TMEM233: variants seen among roughly 807,000 people sequenced by gnomAD.
TMEM233 encodes the protein transmembrane protein 233.
A neutral mutation model predicts 11.2 loss-of-function variants in TMEM233; 6 were observed. The ratio of observed to expected loss-of-function variants is 0.54; its 90% confidence interval spans 0.29 to 1.06. The LOEUF is 1.06. Ranked by LOEUF, TMEM233 falls within the 50% of genes least tolerant of loss-of-function variation. The pLI is 0.08. For synonymous variants in TMEM233, 59 were observed against 55.8 expected (o/e 1.06, Z -0.26); for missense variants, 127 against 144.7 (o/e 0.88, Z 0.63).
At chr12:119,651,702 C>T in the TMEM233 span, among the ~76,000 whole-genome samples, 1 of 151,578 alleles carries the variant, frequency 6.6e-6, no homozygotes, top group East Asian at 1.9e-4. Flanking sequence ...TGGCACATGC[C>T]TGTAATCCCA....
chr12:119,627,260 G>A (rs1389574332), intron 1 of TMEM233, among the ~76,000 whole-genome samples: 1 of 152,158 alleles, frequency 6.6e-6, no homozygotes, highest in Non-Finnish European at 1.5e-5. Flanking sequence ...AAATATTTTT[G>A]GCCTTGCAGG....
At chr12:119,644,012 G>C (rs1486923492), downstream of TMEM233, among the ~76,000 whole-genome samples, 1 of 152,044 alleles carries the variant, frequency 6.6e-6, no homozygotes, top group East Asian at 1.9e-4. Flanking sequence ...CAACAGCTTT[G>C]GACTTTTTCC....
intron 2 of TMEM233, among the ~76,000 whole-genome samples, chr12:119,636,886 C>A (rs1393276919): frequency 2.0e-5 from 3 of 152,146 alleles, no homozygotes; most frequent in Admixed American, 2.0e-4. Flanking sequence ...AGGAGGGCGC[C>A]CTACTGGAGA....
At position 119,642,045 on chromosome 12, in the gene TMEM233, A is replaced by G. The variant is rs1176524728; in HGVS notation, c.*1340A>G. On this transcript the variant is annotated 3_prime_UTR_variant, in exon 3 of 3. Transcript: ENST00000426426. The stretch of plus-strand genomic sequence containing the variant: ...TTGTTTCTGTTCAAATAAATTAAGA[A>G]AAACAAGAGAACTCAAGAAAATATC... 1 of 152,256 alleles carries G rather than the reference A, an allele frequency of 6.6e-6. No individual in the cohort carries two copies. Among genetic ancestry groups the G allele is most frequent in the African/African-American group, 2.4e-5 (1 of 41,462 alleles). 9.4% of individuals were successfully genotyped at this position (152,256 alleles called of 1,614,324 possible).
intron 1 of TMEM233, among the ~76,000 whole-genome samples, chr12:119,614,814 A>G (rs1954487908): frequency 6.6e-6 from 1 of 152,202 alleles, no homozygotes; most frequent in Non-Finnish European, 1.5e-5. Context: ...AATCAATTAT[A>G]TGATGTACAT....
intron 1 of TMEM233, among the ~76,000 whole-genome samples, chr12:119,626,532 GA>G: frequency 2.6e-5 from 1 of 38,986 alleles, no homozygotes; most frequent in Admixed American, 3.6e-4. Context: ...AGGGAGAAGG[GA>G]GAAGGGAGAA....
chr12:119,646,791 T>A (rs1293349529), downstream of TMEM233, among the ~76,000 whole-genome samples: 1 of 152,248 alleles, frequency 6.6e-6, no homozygotes, highest in Non-Finnish European at 1.5e-5. Context: ...CTCCTTATTT[T>A]AAGGTCAGCT....
chr12:119,604,048 G>T (rs895013935), intron 1 of TMEM233, among the ~76,000 whole-genome samples: 1 of 152,184 alleles, frequency 6.6e-6, no homozygotes, highest in Non-Finnish European at 1.5e-5. Context: ...CAGACCAGTT[G>T]GTCCACGTTT....
At chr12:119,627,752 C>T (rs762451435) in intron 1 of TMEM233, among the ~76,000 whole-genome samples, 6 of 152,084 alleles carry the variant, frequency 3.9e-5, no homozygotes, top group Non-Finnish European at 7.4e-5. Flanking sequence ...AGGTAGGAGG[C>T]GGGACTTGAC....
At chr12:119,645,099 T>C (rs1047447605), downstream of TMEM233, among the ~76,000 whole-genome samples, 3 of 152,140 alleles carry the variant, frequency 2.0e-5, no homozygotes, top group African/African-American at 2.4e-5. Flanking sequence ...CTGAGGCCAA[T>C]AGGGCTACAG....
In TMEM233 at chr12:119,594,110, C is replaced by T; in HGVS notation, c.186+76C>T. On this transcript the variant is annotated intron_variant, in intron 1 of 2. Coordinates refer to ENST00000426426, the MANE Select transcript of TMEM233 (RefSeq NM_001136534.3). This position sits in a 1 kb window ranked among gnomAD's most constrained non-coding sequence, Gnocchi z 5.6. Reference sequence around the variant, plus strand: ...TTGAGCCCCTGCAGGGGAGTCCGCGCGCTCTCTGCGGCTCCCTTCCTCACG... The same window carrying T: ...TTGAGCCCCTGCAGGGGAGTCCGCGTGCTCTCTGCGGCTCCCTTCCTCACG... 2 of 1,426,872 alleles carry T rather than the reference C, an allele frequency of 1.4e-6. No homozygotes were observed. The highest frequency in any genetic ancestry group is 2.5e-5 in the East Asian group (1 of 40,220). The allele number at this position is 1,426,872 out of a possible 1,614,324, so 88.4% of individuals were successfully genotyped here.
chr12:119,605,597 CT>C (rs1954264205), intron 1 of TMEM233, among the ~76,000 whole-genome samples: 1 of 151,622 alleles, frequency 6.6e-6, no homozygotes, highest in Non-Finnish European at 1.5e-5. Flanking sequence ...CCCAGCTAAA[CT>C]TTTTTGTATT....
At chr12:119,614,262 C>T (rs1282322594) in intron 1 of TMEM233, among the ~76,000 whole-genome samples, 2 of 151,966 alleles carry the variant, frequency 1.3e-5, no homozygotes, top group African/African-American at 4.8e-5. Context: ...CAAAAATTTG[C>T]TGGGTATGGT....
chr12:119,605,941 CAAG>C (rs1954271226), intron 1 of TMEM233, among the ~76,000 whole-genome samples: 1 of 151,922 alleles, frequency 6.6e-6, no homozygotes, highest in Non-Finnish European at 1.5e-5. Flanking sequence ...CCCAAAAGCC[CAAG>C]AAGAAGAGAG....
At chr12:119,609,459 G>C (rs1954350917) in intron 1 of TMEM233, among the ~76,000 whole-genome samples, 1 of 152,208 alleles carries the variant, frequency 6.6e-6, no homozygotes, top group South Asian at 2.1e-4. Flanking sequence ...TAATCACCAA[G>C]ACAATGGGCA....
chr12:119,629,919 G>C, intron 2 of TMEM233, 47 bp downstream of exon 2: 2 of 1,531,604 alleles, frequency 1.3e-6, no homozygotes, highest in Non-Finnish European at 1.8e-6. Flanking sequence ...GCCCTTTCTC[G>C]AACGCCCGTT....
intron 1 of TMEM233, among the ~76,000 whole-genome samples, chr12:119,625,105 T>C (rs1258649025): frequency 6.6e-6 from 1 of 152,208 alleles, no homozygotes; most frequent in Non-Finnish European, 1.5e-5. Flanking sequence ...CAATTCCTCT[T>C]CATTGTTGAG....
In TMEM233 at chr12:119,594,010, C is replaced by T. The variant is rs1264297946; in HGVS notation, c.162C>T (p.Ile54=). ...TTTGCCCTGCGTACCCCATCAACATCGTGGCTTTGGTCTTTTCCATCATGG... is the reference window on the plus strand; with the variant it reads ...TTTGCCCTGCGTACCCCATCAACATTGTGGCTTTGGTCTTTTCCATCATGG... ...SCFCPAYPIN[I]VALVFSIMSL... is the part of the protein sequence containing the mutation. The change falls in exon 1 of 3, where the codon ATC becomes ATT. Residue 54 remains isoleucine, a synonymous_variant. Transcript: ENST00000426426. The surrounding 1 kb of genome is among the most constrained non-coding windows in gnomAD (Gnocchi z 5.6). The T allele has an allele frequency of 1.3e-6, 2 of 1,551,676 alleles. No homozygotes were observed. Among genetic ancestry groups the T allele is most frequent in the East Asian group, 2.4e-5 (1 of 40,906 alleles).
intron 1 of TMEM233, among the ~76,000 whole-genome samples, chr12:119,606,802 C>T (rs899067623): frequency 3.9e-5 from 6 of 152,174 alleles, no homozygotes; most frequent in Admixed American, 2.0e-4. Context: ...AGAGTAACTG[C>T]TTAATATTCA....
Sources: gnomAD v4.1 joint callset for allele counts (sites outside exome capture counted in the v4.1 genomes callset) on GRCh38, gnomAD v4.1.1 for gene constraint, Gnocchi (gnomAD v3.1) non-coding constraint, MANE v1.5 for transcripts, NCBI Gene and HGNC (gene_info 2026-07-23, HGNC 2026-07-21) for gene names.